Variants in C2orf42 observed in about 807,000 individuals in gnomAD.
C2orf42 encodes the protein uncharacterized protein C2orf42.
A neutral mutation model predicts 58.9 loss-of-function variants in C2orf42; 44 were observed. The observed-to-expected ratio is 0.75, with a 90% CI of 0.59 to 0.96. The LOEUF (loss-of-function observed/expected upper bound fraction) is 0.96. Ranked by LOEUF, C2orf42 falls within the 40% of genes least tolerant of loss-of-function variation. The pLI is 0.00. For missense variants in C2orf42, 630 were observed against 699.2 expected (o/e 0.90, Z 1.12); for synonymous variants, 239 against 265.4 (o/e 0.90, Z 0.97).
intron 1 of C2orf42, among the ~76,000 whole-genome samples, chr2:70,186,281 C>A (rs181126792): frequency 1.3e-5 from 2 of 151,648 alleles, no homozygotes; most frequent in African/African-American, 4.8e-5. Context: ...TGCAAAGCTA[C>A]GATACGACAT....
At chr2:70,169,754 T>C (rs1024889051) in intron 5 of C2orf42, 93 bp from the exon 6 acceptor site, 1 of 662,642 alleles carries the variant, frequency 1.5e-6, no homozygotes, top group Non-Finnish European at 2.7e-6. Flanking sequence ...TAACAAGTTT[T>C]TTTATTTTTA....
In C2orf42 at chr2:70,150,704, G is replaced by A. The variant is rs549423821; in HGVS notation, c.1517-140C>T. 66 of 629,198 alleles carry A rather than the reference G, an allele frequency of 1.0e-4. No individual in the cohort carries two copies. In the East Asian group the frequency reaches 1.1e-3, roughly 10 times the overall value. 39.0% of individuals were successfully genotyped at this position (629,198 alleles called of 1,614,324 possible). On this transcript the variant is annotated intron_variant, in intron 9 of 9. Coordinates refer to ENST00000264434, the MANE Select transcript of C2orf42 (RefSeq NM_017880.3). Reference sequence around the variant, plus strand: ...CCGAATGAGGTTTATAAATTCAGTGGTGATTGGGATATCAGATTTATTGAT... The same window carrying A: ...CCGAATGAGGTTTATAAATTCAGTGATGATTGGGATATCAGATTTATTGAT...
rs772760874 is a variant in C2orf42, at chr2:70,166,365, AAAAAG to A, written c.1145-735_1145-731del. ...TGAGACCCTCCCTCAAAAAGGAAAA[AAAAAG>A]AAAAGAAAAGAGAGGCCAGGCGTGG... On this transcript the variant is annotated intron_variant, in intron 6 of 9. Coordinates refer to ENST00000264434, the MANE Select transcript of C2orf42 (RefSeq NM_017880.3). 9.4e-5 allele frequency among the ~76,000 whole-genome samples: 14 copies of A among 149,298 alleles called. No homozygotes were observed. The East Asian group carries it at 1.6e-3, about 17-fold the overall frequency.
chr2:70,160,715 C>T lies in C2orf42; in HGVS notation c.1426G>A (p.Val476Met). ...GTYELFKCPK[V>M]EVESIAETYG... ...GTTTCTGCTATGCTTTCTACTTCCA[C>T]TTTAGGGCATTTAAATAGCTCATAA... is the stretch of plus-strand genomic sequence containing the variant. Residue 476 changes from valine to methionine, a missense_variant, in exon 9 of 10, where the codon GTG (valine) becomes ATG (methionine). Val to Met is a conservative substitution (Grantham distance 21). Coordinates refer to ENST00000264434, the MANE Select transcript of C2orf42 (RefSeq NM_017880.3). The T allele has an allele frequency of 1.2e-6, 2 of 1,612,932 alleles. No individual in the cohort carries two copies. Among genetic ancestry groups the T allele is most frequent in the Non-Finnish European group, 1.7e-6 (2 of 1,179,294 alleles).
At chr2:70,187,586 G>A (rs542684985) in intron 1 of C2orf42, among the ~76,000 whole-genome samples, 29 of 152,172 alleles carry the variant, frequency 1.9e-4, no homozygotes, top group Non-Finnish European at 3.5e-4. Flanking sequence ...CCTCCAGCAG[G>A]CGATTTGTGA....
At chr2:70,169,128 A>AT (rs1412079144) in intron 6 of C2orf42, among the ~76,000 whole-genome samples, 1 of 151,730 alleles carries the variant, frequency 6.6e-6, no homozygotes, top group East Asian at 1.9e-4. Flanking sequence ...CAATGGCACT[A>AT]TTTTTTGTAG....
At chr2:70,185,755 A>G (rs1674889524) in intron 1 of C2orf42, among the ~76,000 whole-genome samples, 2 of 151,376 alleles carry the variant, frequency 1.3e-5, no homozygotes, top group African/African-American at 4.9e-5. Flanking sequence ...AAACACACAC[A>G]CACATACATA....
intron 5 of C2orf42, among the ~76,000 whole-genome samples, chr2:70,172,319 A>C (rs1353178438): frequency 6.6e-6 from 1 of 151,990 alleles, no homozygotes; most frequent in East Asian, 1.9e-4. Flanking sequence ...TAAGATGAAG[A>C]TATGCATCTG....
intron 9 of C2orf42, among the ~76,000 whole-genome samples, chr2:70,156,800 T>C (rs1271054510): frequency 6.6e-6 from 1 of 150,464 alleles, no homozygotes; most frequent in Non-Finnish European, 1.5e-5. Context: ...AGTTTGAGGC[T>C]GCAGTGAGCC....
chr2:70,175,846 T>C, intron 4 of C2orf42, 69 bp from the exon 5 acceptor site: 1 of 1,002,570 alleles, frequency 1.0e-6, no homozygotes, highest in African/African-American at 1.6e-5. Context: ...TGTTAATTTT[T>C]AGAGTCTAAA....
At chr2:70,173,948 A>T (rs556000326) in intron 5 of C2orf42, among the ~76,000 whole-genome samples, 20 of 152,294 alleles carry the variant, frequency 1.3e-4, no homozygotes, top group Non-Finnish European at 2.8e-4. Flanking sequence ...CATGAGTAAT[A>T]AGCAATAAGA....
intron 2 of C2orf42, 189 bp downstream of exon 2, chr2:70,182,478 C>CA (rs1396973451): frequency 6.5e-6 from 1 of 153,840 alleles, no homozygotes; most frequent in East Asian, 1.9e-4. Flanking sequence ...AACTGCCTTT[C>CA]ATACCTATTT....
chr2:70,175,829 G>C (rs752117701), intron 4 of C2orf42, 52 bp from the exon 5 acceptor site: 1 of 1,094,140 alleles, frequency 9.1e-7, no homozygotes, highest in Non-Finnish European at 1.4e-6. Flanking sequence ...AATATAAATT[G>C]ATTTGATGTT....
chr2:70,169,437 G>A (rs1038912723), intron 6 of C2orf42, 120 bp downstream of exon 6: 1 of 450,332 alleles, frequency 2.2e-6, no homozygotes, highest in Non-Finnish European at 4.0e-6. Flanking sequence ...CTACTTTCTT[G>A]TGGCCCAGTG....
At chr2:70,189,938 T>C (rs1465003157) in intron 1 of C2orf42, among the ~76,000 whole-genome samples, 1 of 148,968 alleles carries the variant, frequency 6.7e-6, no homozygotes, top group African/African-American at 2.6e-5. Flanking sequence ...TTTACTCTTT[T>C]AAAAGAAAAA....
At chr2:70,182,249 G>A (rs539434213) in intron 2 of C2orf42, 159 of 279,084 alleles carry the variant, frequency 5.7e-4, no homozygotes, top group Middle Eastern at 2.5e-3. Context: ...ATAGGCACCC[G>A]CCACCACGCC....
chr2:70,180,389 C>A (rs1320239591), intron 3 of C2orf42, among the ~76,000 whole-genome samples: 1 of 151,402 alleles, frequency 6.6e-6, no homozygotes, highest in African/African-American at 2.4e-5. Flanking sequence ...AGGCAGATCA[C>A]CTGAGGCCAG....
intron 6 of C2orf42, 31 bp downstream of exon 6, chr2:70,169,526 G>C: frequency 1.8e-6 from 2 of 1,122,456 alleles, no homozygotes; most frequent in Non-Finnish European, 2.7e-6. Context: ...CCTACTTTCA[G>C]CAAGAGCCCA....
chr2:70,149,966 T>A lies in C2orf42; in HGVS notation c.*390A>T, dbSNP rs1399576833. 2 of 230,106 alleles carry A rather than the reference T, an allele frequency of 8.7e-6. No individual in the cohort carries two copies. Among genetic ancestry groups the A allele is most frequent in the Non-Finnish European group, 1.7e-5 (2 of 114,568 alleles). 14.3% of individuals were successfully genotyped at this position (230,106 alleles called of 1,614,324 possible). ...AACTCTGCCAAGATGGTCTTTAACA[T>A]TCTGCCCTAACCAGGGTGTTAACTT... On this transcript the variant is annotated 3_prime_UTR_variant, in exon 10 of 10. Coordinates refer to ENST00000264434, the MANE Select transcript of C2orf42 (RefSeq NM_017880.3).
Sources: gnomAD v4.1 joint callset for allele counts (sites outside exome capture counted in the v4.1 genomes callset) on GRCh38, gnomAD v4.1.1 for gene constraint, MANE v1.5 for transcripts, NCBI Gene and HGNC (gene_info 2026-07-23, HGNC 2026-07-21) for gene names.